The following ANK3 variants were observed in gnomAD, a reference collection of about 807,000 sequenced individuals.
ANK3 encodes ankyrin 3.
Under a neutral mutation model 370.9 loss-of-function variants are expected in ANK3, and 57 were observed. That is an observed-to-expected ratio of 0.15 (90% CI 0.12 to 0.19). The LOEUF is 0.19. Among genes scored for constraint, ANK3 ranks in the 10% least tolerant of loss-of-function variants. The probability of loss-of-function intolerance (pLI) is 1.00; values close to 1 mark genes in which losing one functional copy is unlikely to be tolerated. For synonymous variants in ANK3, 1,929 were observed against 1,946.3 expected (o/e 0.99, Z 0.23); for missense variants, 4,439 against 5,302.1 (o/e 0.84, Z 5.06).
At chr10:60,082,299 G>T in intron 34 of ANK3, 123 bp from the exon 35 acceptor site, 2 of 913,472 alleles carry the variant, frequency 2.2e-6, no homozygotes, top group Non-Finnish European at 3.3e-6. Flanking sequence ...AGAAAGCAAA[G>T]CAAATTTTAA....
intron 2 of ANK3, among the ~76,000 whole-genome samples, chr10:60,442,433 A>G (rs1456912326): frequency 4.6e-5 from 7 of 152,314 alleles, no homozygotes; most frequent in South Asian, 4.1e-4. Context: ...AAGATTATTT[A>G]TAATACATAA....
At chr10:60,631,207 C>T (rs901765068) in intron 1 of ANK3, among the ~76,000 whole-genome samples, 4 of 152,066 alleles carry the variant, frequency 2.6e-5, no homozygotes, top group African/African-American at 7.2e-5. Flanking sequence ...AATATTTTCC[C>T]AGTCCAAAGT....
chr10:60,269,344 T>TA (rs1403995588), intron 5 of ANK3, among the ~76,000 whole-genome samples: 1 of 152,162 alleles, frequency 6.6e-6, no homozygotes, highest in Non-Finnish European at 1.5e-5. Context: ...ATTTAACACT[T>TA]AAAAATGTGT....
At chr10:60,205,991 T>C in intron 10 of ANK3, 101 bp from the exon 11 acceptor site, 1 of 772,826 alleles carries the variant, frequency 1.3e-6, no homozygotes, top group Non-Finnish European at 2.2e-6. Flanking sequence ...TGTGGTAAAT[T>C]GAAATGAACA....
At chr10:60,352,954 A>C (rs1350987952) in intron 1 of ANK3, among the ~76,000 whole-genome samples, 1 of 151,994 alleles carries the variant, frequency 6.6e-6, no homozygotes, top group Non-Finnish European at 1.5e-5. Flanking sequence ...AATATGAAGA[A>C]ACAAATGAAA....
intron 16 of ANK3, among the ~76,000 whole-genome samples, chr10:60,187,757 T>C (rs1239524168): frequency 6.6e-6 from 1 of 152,176 alleles, no homozygotes; most frequent in Admixed American, 6.5e-5. Flanking sequence ...TGATTTCCTC[T>C]TTTACAAAAC....
rs1256637185 is a variant in ANK3, at chr10:60,356,378, T to TG, written c.114+33046dup. Among the ~76,000 whole-genome samples, 6 of 152,362 alleles carry TG rather than the reference T, an allele frequency of 3.9e-5. No individual in the cohort carries two copies. In the East Asian group the frequency reaches 9.6e-4, roughly 25 times the overall value. ...CAGTCAGTAATAACCCTACTGACTC[T>TG]GGAAAGATTGTATGCTCAGAGGTTT... On this transcript the variant is annotated intron_variant, in intron 1 of 43. Transcript: ENST00000280772.
intron 28 of ANK3, among the ~76,000 whole-genome samples, chr10:60,097,786 T>C (rs968174501): frequency 3.3e-5 from 5 of 152,148 alleles, no homozygotes; most frequent in African/African-American, 9.7e-5. Context: ...CAAAGGCTAC[T>C]TGTGACCTGG....
At chr10:60,085,275 T>C (rs1487574649) in intron 30 of ANK3, 22 bp from the exon 31 acceptor site, 1 of 1,575,270 alleles carries the variant, frequency 6.3e-7, no homozygotes, top group Non-Finnish European at 8.7e-7. Flanking sequence ...ACAGCAGATA[T>C]GTTGACTTTA....
At chr10:60,402,954 G>C (rs2063382148) in intron 2 of ANK3, among the ~76,000 whole-genome samples, 1 of 152,150 alleles carries the variant, frequency 6.6e-6, no homozygotes, top group Non-Finnish European at 1.5e-5. Context: ...TGCAGTGCAA[G>C]TAACTGATAC....
intron 1 of ANK3, among the ~76,000 whole-genome samples, chr10:60,336,090 C>G (rs906362388): frequency 6.7e-6 from 1 of 148,684 alleles, no homozygotes; most frequent in African/African-American, 2.5e-5. Context: ...CATAGTTTGG[C>G]GGGGGGGGGA....
At chr10:60,319,436 T>C (rs374303605) in intron 1 of ANK3, among the ~76,000 whole-genome samples, 2 of 152,174 alleles carry the variant, frequency 1.3e-5, no homozygotes, top group Non-Finnish European at 2.9e-5. Context: ...ACAACAGTAA[T>C]AAGACAACAC....
At position 60,111,169 on chromosome 10, in the gene ANK3, C is replaced by T. The variant is rs1383251150; in HGVS notation, c.2949-2115G>A. ...TTGGAGCTGAGTGGACTGAAGGTAG[C>T]GTACAGTTTATCAGATTAAAATAAA... On this transcript the variant is annotated intron_variant, in intron 26 of 43. Coordinates refer to ENST00000280772, the MANE Select transcript of ANK3 (RefSeq NM_020987.5). Among the ~76,000 whole-genome samples the T allele has an allele frequency of 4.6e-5, 7 of 152,148 alleles. No individual in the cohort carries two copies. The South Asian group carries it at 8.3e-4, about 18-fold the overall frequency.
chr10:60,132,259 G>C (rs1316541869), intron 25 of ANK3, among the ~76,000 whole-genome samples: 1 of 152,122 alleles, frequency 6.6e-6, no homozygotes, highest in African/African-American at 2.4e-5. Flanking sequence ...CACTGAAATG[G>C]TTTGGCTGTG....
At chr10:60,421,964 A>G (rs2063787305) in intron 2 of ANK3, among the ~76,000 whole-genome samples, 1 of 152,104 alleles carries the variant, frequency 6.6e-6, no homozygotes. Flanking sequence ...GTGGATTGTT[A>G]AAACTAAGGG....
chr10:60,725,320 T>C (rs976585694), intron 1 of ANK3, among the ~76,000 whole-genome samples: 1 of 151,780 alleles, frequency 6.6e-6, no homozygotes, highest in East Asian at 1.9e-4. Flanking sequence ...TTACCTCCCA[T>C]TCCCCTCCAC....
intron 25 of ANK3, among the ~76,000 whole-genome samples, chr10:60,122,388 A>T (rs2093533016): frequency 6.6e-6 from 1 of 152,152 alleles, no homozygotes; most frequent in Non-Finnish European, 1.5e-5. Flanking sequence ...GTCATTGGGT[A>T]GGGGAGTGTG....
intron 1 of ANK3, among the ~76,000 whole-genome samples, chr10:60,727,671 C>A (rs2079960803): frequency 6.6e-6 from 1 of 152,098 alleles, no homozygotes; most frequent in Non-Finnish European, 1.5e-5. Context: ...TCTTAAAAAT[C>A]ATAATCCATC....
intron 1 of ANK3, among the ~76,000 whole-genome samples, chr10:60,692,179 A>T (rs1364543856): frequency 6.6e-6 from 1 of 152,232 alleles, no homozygotes; most frequent in Non-Finnish European, 1.5e-5. Flanking sequence ...ATCATCTTGC[A>T]TAAAACATTC....
Sources: gnomAD v4.1 joint callset for allele counts (sites outside exome capture counted in the v4.1 genomes callset) on GRCh38, gnomAD v4.1.1 for gene constraint, MANE v1.5 for transcripts, NCBI Gene and HGNC (gene_info 2026-07-23, HGNC 2026-07-21) for gene names.